The following MAPK14 variants were observed in gnomAD, a reference collection of about 807,000 sequenced individuals.
MAPK14 encodes the protein mitogen-activated protein kinase 14, also known as CSAID-binding protein.
Under a neutral mutation model 49.6 loss-of-function variants are expected in MAPK14, and 16 were observed. The observed-to-expected ratio is 0.32, with a 90% CI of 0.22 to 0.49. The LOEUF is 0.49. Ranked by LOEUF, MAPK14 falls within the 20% of genes least tolerant of loss-of-function variation. The pLI is 0.99. For missense variants in MAPK14, 200 were observed against 441.2 expected (o/e 0.45, Z 4.90); for synonymous variants, 142 against 158.0 (o/e 0.90, Z 0.76).
At chr6:36,041,011 A>T (rs979671621) in intron 1 of MAPK14, among the ~76,000 whole-genome samples, 1 of 152,186 alleles carries the variant, frequency 6.6e-6, no homozygotes, top group African/African-American at 2.4e-5. Context: ...GAAATTTTGA[A>T]GATCTTGTGG....
At chr6:36,051,361 G>A (rs111556438) in intron 1 of MAPK14, among the ~76,000 whole-genome samples, 4,499 of 152,030 alleles carry the variant, frequency 0.03, 206 homozygotes, top group African/African-American at 0.1. Flanking sequence ...CTCCCGCCTC[G>A]GCCTCCCAAG....
At chr6:36,060,433 GA>G (rs991965095) in intron 3 of MAPK14, among the ~76,000 whole-genome samples, 1 of 152,186 alleles carries the variant, frequency 6.6e-6, no homozygotes, top group South Asian at 2.1e-4. Flanking sequence ...CCATGAAAGA[GA>G]AAAAAACCTT....
At chr6:36,065,507 G>GGTGTGT (rs386358922) in intron 3 of MAPK14, among the ~76,000 whole-genome samples, 4,747 of 122,492 alleles carry the variant, frequency 0.039, 133 homozygotes, top group African/African-American at 0.077. Context: ...GGGCAGAAAA[G>GGTGTGT]GTGTGTGTGT....
chr6:36,034,098 A>C (rs1762645939), intron 1 of MAPK14, among the ~76,000 whole-genome samples: 1 of 152,140 alleles, frequency 6.6e-6, no homozygotes, highest in South Asian at 2.1e-4. Flanking sequence ...TCCTCTTGTG[A>C]AAAAGGGGTT....
intron 8 of MAPK14, among the ~76,000 whole-genome samples, chr6:36,094,922 G>A (rs538458947): frequency 6.6e-6 from 1 of 152,176 alleles, no homozygotes; most frequent in Non-Finnish European, 1.5e-5. Flanking sequence ...TGAAGTTGAA[G>A]CTGAGACCTG....
chr6:36,111,321 A>T (rs188192582), downstream of MAPK14: 49 of 152,292 alleles, frequency 3.2e-4, no homozygotes, highest in Admixed American at 2.7e-3. Flanking sequence ...AGACTATAGG[A>T]CCTCCAAAAT....
At chr6:36,035,251 T>A (rs554619808) in intron 1 of MAPK14, among the ~76,000 whole-genome samples, 17 of 152,268 alleles carry the variant, frequency 1.1e-4, no homozygotes, top group African/African-American at 3.9e-4. Context: ...TCGCAATATT[T>A]CAAACTTTCT....
At position 36,108,708 on chromosome 6, in the gene MAPK14, T is replaced by G. The variant is rs1765876347; in HGVS notation, c.*261T>G. On this transcript the variant is annotated 3_prime_UTR_variant, in exon 12 of 12. Coordinates refer to ENST00000229794, the MANE Select transcript of MAPK14 (RefSeq NM_139012.3). ...TGCTCCAGGGCAGCCTCCACCTTGCTCTTCTTTCTGAGAGTTGGCTCAGGC... is the reference window on the plus strand; with the variant it reads ...TGCTCCAGGGCAGCCTCCACCTTGCGCTTCTTTCTGAGAGTTGGCTCAGGC... 2.2e-6 allele frequency: 1 copy of G among 461,784 alleles called. No homozygotes were observed. Among genetic ancestry groups the G allele is most frequent in the African/African-American group, 2.0e-5 (1 of 50,360 alleles). The allele number at this position is 461,784 out of a possible 1,614,324, so 28.6% of individuals were successfully genotyped here.
intron 1 of MAPK14, 107 bp from the exon 2 acceptor site, chr6:36,052,591 TG>T: frequency 1.1e-6 from 1 of 928,720 alleles, no homozygotes; most frequent in African/African-American, 1.7e-5. Context: ...TGCTTTTTTT[TG>T]GTATTTTGTT....
chr6:36,114,900 G>T (rs1336184867), downstream of MAPK14, among the ~76,000 whole-genome samples: 1 of 152,180 alleles, frequency 6.6e-6, no homozygotes, highest in East Asian at 1.9e-4. Context: ...TGTGCCTGGT[G>T]TGTTGTCGAC....
intron 3 of MAPK14, among the ~76,000 whole-genome samples, chr6:36,071,099 A>G (rs12662129): frequency 0.1 from 15,853 of 152,024 alleles, 850 homozygotes; most frequent in Middle Eastern, 0.12. Context: ...TTGGGAGGCC[A>G]TGGTGGGTGG....
intron 8 of MAPK14, among the ~76,000 whole-genome samples, chr6:36,079,119 T>G (rs1327051160): frequency 6.6e-6 from 1 of 152,234 alleles, no homozygotes; most frequent in Non-Finnish European, 1.5e-5. Flanking sequence ...TCATTTTTTT[T>G]GAAAAGTACC....
chr6:36,100,304 A>G, intron 9 of MAPK14: 1 of 1,445,084 alleles, frequency 6.9e-7, no homozygotes, highest in Non-Finnish European at 9.7e-7. Context: ...TGTCGCACTG[A>G]GAAGCCACAT....
chr6:36,112,155 A>G (rs1765985990), downstream of MAPK14, among the ~76,000 whole-genome samples: 1 of 152,206 alleles, frequency 6.6e-6, no homozygotes, highest in East Asian at 1.9e-4. Flanking sequence ...GCAGTGAGCC[A>G]AGATCATGCC....
chr6:36,117,496 G>A, the MAPK14 span, among the ~76,000 whole-genome samples: 1 of 152,128 alleles, frequency 6.6e-6, no homozygotes, highest in African/African-American at 2.4e-5. Flanking sequence ...TCCCAAGCCT[G>A]GATTAGCTGT....
Position 36,050,868 on chromosome 6 carries a change from G to C in MAPK14, c.117-1831G>C, listed in dbSNP as rs538040378. ...GCCTAGTTTCAGAGATGGAGGGGAGGTTCAGAAAAGAGGTTGAAGATTTAT... is the reference window on the plus strand; with the variant it reads ...GCCTAGTTTCAGAGATGGAGGGGAGCTTCAGAAAAGAGGTTGAAGATTTAT... On this transcript the variant is annotated intron_variant, in intron 1 of 11. Transcript: ENST00000229794. 3.3e-5 allele frequency among the ~76,000 whole-genome samples: 5 copies of C among 152,252 alleles called. No individual in the cohort carries two copies. The South Asian group carries it at 8.3e-4, about 25-fold the overall frequency.
In MAPK14 at chr6:36,028,018, G is replaced by A. The variant is rs61763098; in HGVS notation, c.-140G>A. The A allele has an allele frequency of 7.1e-3, 3,345 of 471,584 alleles. 91 individuals carry two copies. The highest frequency in any genetic ancestry group is 0.061 in the African/African-American group (2,980 of 48,868). The allele number at this position is 471,584 out of a possible 1,614,324, so 29.2% of individuals were successfully genotyped here. ...AGCCGCGCGCGCGGGAGTCTGCGGG[G>A]TCGCGGCAGCCGCACCTGCGCGGGC... On this transcript the variant is annotated 5_prime_UTR_variant, in exon 1 of 12. Transcript: ENST00000229794. The surrounding 1 kb of genome is among the most constrained non-coding windows in gnomAD (Gnocchi z 5.1).
chr6:36,056,665 T>C (rs1271080657), intron 2 of MAPK14, among the ~76,000 whole-genome samples: 1 of 152,210 alleles, frequency 6.6e-6, no homozygotes, highest in Non-Finnish European at 1.5e-5. Context: ...CATGTGTAAA[T>C]CAGATCTCTA....
At chr6:36,081,553 C>T (rs1020600464) in intron 8 of MAPK14, among the ~76,000 whole-genome samples, 2 of 152,092 alleles carry the variant, frequency 1.3e-5, no homozygotes, top group African/African-American at 4.8e-5. Flanking sequence ...TAGCAATACA[C>T]GTGTGGGTTT....
Sources: gnomAD v4.1 joint callset for allele counts (sites outside exome capture counted in the v4.1 genomes callset) on GRCh38, gnomAD v4.1.1 for gene constraint, Gnocchi (gnomAD v3.1) non-coding constraint, MANE v1.5 for transcripts, NCBI Gene and HGNC (gene_info 2026-07-23, HGNC 2026-07-21) for gene names.